GSDMC: variants seen among roughly 807,000 people sequenced by gnomAD.
The protein encoded by GSDMC is gasdermin C.
In GSDMC, 59 loss-of-function variants were observed where a neutral mutation model predicts 58.0. The observed-to-expected ratio is 1.02, with a 90% CI of 0.82 to 1.26. The LOEUF is 1.26. Among genes scored for constraint, GSDMC ranks in the 50% most tolerant of loss-of-function variants. The pLI is 0.00. For synonymous variants in GSDMC, 241 were observed against 220.2 expected, an observed-to-expected ratio of 1.09 and a Z score of -0.83; for missense variants, 659 against 598.5, an observed-to-expected ratio of 1.10 and a Z score of -1.06.
the GSDMC span, among the ~76,000 whole-genome samples, chr8:129,735,262 A>G: frequency 6.6e-6 from 1 of 152,316 alleles, no homozygotes; most frequent in Admixed American, 6.5e-5. Flanking sequence ...CATAAGATTA[A>G]CAAGGATATC....
the GSDMC span, among the ~76,000 whole-genome samples, chr8:129,717,107 G>C: frequency 6.6e-6 from 1 of 152,108 alleles, no homozygotes; most frequent in Admixed American, 6.6e-5. Flanking sequence ...GCCAGGTTTT[G>C]GCATCAGAAT....
the GSDMC span, among the ~76,000 whole-genome samples, chr8:129,720,713 C>T: frequency 6.6e-6 from 1 of 152,170 alleles, no homozygotes; most frequent in South Asian, 2.1e-4. Flanking sequence ...AAAGCAATTT[C>T]ATATACATCA....
At chr8:129,758,268 T>C (rs768236574) in intron 6 of GSDMC, among the ~76,000 whole-genome samples, 20 of 151,850 alleles carry the variant, frequency 1.3e-4, no homozygotes, top group Non-Finnish European at 2.5e-4. Flanking sequence ...TCATACTGAG[T>C]GGGGAAAAAT....
chr8:129,727,424 C>A, the GSDMC span, among the ~76,000 whole-genome samples: 1 of 152,102 alleles, frequency 6.6e-6, no homozygotes, highest in African/African-American at 2.4e-5. Flanking sequence ...CAAACAGCCC[C>A]CATGACAGTG....
At chr8:129,738,711 G>A in the GSDMC span, among the ~76,000 whole-genome samples, 1 of 152,100 alleles carries the variant, frequency 6.6e-6, no homozygotes, top group Non-Finnish European at 1.5e-5. Context: ...TGTAAATGAC[G>A]AGTTAACGGG....
intron 6 of GSDMC, among the ~76,000 whole-genome samples, chr8:129,755,621 A>G (rs2033396793): frequency 6.6e-6 from 1 of 152,190 alleles, no homozygotes; most frequent in African/African-American, 2.4e-5. Flanking sequence ...AAGCAGAAAG[A>G]CTAAATGATG....
intron 9 of GSDMC, 50 bp downstream of exon 9, chr8:129,751,812 T>A (rs777810123): frequency 1.3e-6 from 2 of 1,565,142 alleles, no homozygotes; most frequent in Non-Finnish European, 1.8e-6. Flanking sequence ...ACTTACCCCA[T>A]GTGTGCAGGA....
At position 129,786,375 on chromosome 8, in the gene GSDMC, C is replaced by A. The variant is rs1360056348; in HGVS notation, c.-369G>T. ...ACAATTGAGTAGGGCCCCTTCCAAT[C>A]TTCAGACCTCCTGCGGTCAAGTAGA... is the stretch of plus-strand genomic sequence containing the variant. On this transcript the variant is annotated 5_prime_UTR_variant, in exon 1 of 14. Coordinates refer to ENST00000276708, the MANE Select transcript of GSDMC (RefSeq NM_031415.3). 1 of 151,712 alleles carries A rather than the reference C, an allele frequency of 6.6e-6. No homozygotes were observed. Among genetic ancestry groups the A allele is most frequent in the Non-Finnish European group, 1.5e-5 (1 of 68,028 alleles). 9.4% of individuals were successfully genotyped at this position (151,712 alleles called of 1,614,324 possible). A position where few individuals can be genotyped will look rare whatever the true frequency, so the allele number is the denominator to read the frequency against.
intron 3 of GSDMC, among the ~76,000 whole-genome samples, chr8:129,774,855 A>G (rs2034173246): frequency 1.3e-5 from 2 of 152,218 alleles, no homozygotes; most frequent in African/African-American, 4.8e-5. Flanking sequence ...TCAGGGACGT[A>G]CAAATCAAAA....
At chr8:129,770,968 A>C (rs1410198467) in intron 3 of GSDMC, among the ~76,000 whole-genome samples, 1 of 151,346 alleles carries the variant, frequency 6.6e-6, no homozygotes, top group East Asian at 1.9e-4. Flanking sequence ...TGACCAAAAA[A>C]GAACAAGGGT....
downstream of GSDMC, among the ~76,000 whole-genome samples, chr8:129,746,614 G>A (rs2032967664): frequency 6.6e-6 from 1 of 152,200 alleles, no homozygotes; most frequent in Non-Finnish European, 1.5e-5. Context: ...CACAGGTATT[G>A]CCTGGTTAAA....
intron 1 of GSDMC, among the ~76,000 whole-genome samples, chr8:129,780,932 G>A (rs1284689136): frequency 6.6e-6 from 1 of 151,756 alleles, no homozygotes; most frequent in Non-Finnish European, 1.5e-5. Flanking sequence ...TTTTCTGTTT[G>A]TGTTTGTTTG....
At chr8:129,759,240 G>A (rs1364224942) in intron 6 of GSDMC, among the ~76,000 whole-genome samples, 1 of 151,962 alleles carries the variant, frequency 6.6e-6, no homozygotes, top group Non-Finnish European at 1.5e-5. Context: ...TAAATCTAAG[G>A]CCTCAAACTA....
chr8:129,779,198 T>C (rs1396063231), intron 1 of GSDMC, among the ~76,000 whole-genome samples: 1 of 152,114 alleles, frequency 6.6e-6, no homozygotes, highest in Non-Finnish European at 1.5e-5. Flanking sequence ...AGCAAAGACA[T>C]GGAATAAACC....
chr8:129,750,641 G>A, intron 10 of GSDMC, 71 bp from the exon 11 acceptor site: 4 of 1,495,008 alleles, frequency 2.7e-6, no homozygotes, highest in Non-Finnish European at 2.8e-6. Flanking sequence ...TGGAATGACA[G>A]CCTGTTTGCA....
the GSDMC span, among the ~76,000 whole-genome samples, chr8:129,718,806 G>C: frequency 1.1e-4 from 16 of 152,186 alleles, no homozygotes; most frequent in Non-Finnish European, 2.4e-4. Flanking sequence ...CGATAGACTG[G>C]ATAAAGAAAA....
At chr8:129,723,411 T>TTCTTCTCC in the GSDMC span, among the ~76,000 whole-genome samples, 1 of 132,586 alleles carries the variant, frequency 7.5e-6, no homozygotes, top group East Asian at 2.5e-4. Flanking sequence ...TGGCTATTTT[T>TTCTTCTCC]TCTTCTCCTT....
the GSDMC span, among the ~76,000 whole-genome samples, chr8:129,716,239 A>G: frequency 2.0e-5 from 3 of 152,352 alleles, no homozygotes; most frequent in Non-Finnish European, 4.4e-5. Context: ...AAAGCAAGAC[A>G]CAATCATATG....
the GSDMC span, among the ~76,000 whole-genome samples, chr8:129,738,991 A>G: frequency 5.9e-5 from 9 of 152,206 alleles, no homozygotes; most frequent in Non-Finnish European, 8.8e-5. Context: ...CTAGAGCTTG[A>G]AGACCAGTTT....
Sources: gnomAD v4.1 joint callset for allele counts (sites outside exome capture counted in the v4.1 genomes callset) on GRCh38, gnomAD v4.1.1 for gene constraint, MANE v1.5 for transcripts, NCBI Gene and HGNC (gene_info 2026-07-23, HGNC 2026-07-21) for gene names.